The following GMEB2 variants were observed in gnomAD, a reference collection of about 807,000 sequenced individuals.
GMEB2 encodes glucocorticoid modulatory element-binding protein 2.
Under a neutral mutation model 45.7 loss-of-function variants are expected in GMEB2, and 7 were observed. That is an observed-to-expected ratio of 0.15 (90% confidence interval 0.09 to 0.29). The LOEUF (loss-of-function observed/expected upper bound fraction) is 0.29. Ranked by LOEUF, GMEB2 falls within the 10% of genes least tolerant of loss-of-function variation. The pLI is 1.00. For missense variants in GMEB2, 582 were observed against 739.2 expected (o/e 0.79, Z 2.47); for synonymous variants, 322 against 323.6 (o/e 1.00, Z 0.05).
At chr20:63,598,882 G>A (rs2083220175) in intron 4 of GMEB2, among the ~76,000 whole-genome samples, 1 of 152,200 alleles carries the variant, frequency 6.6e-6, no homozygotes, top group African/African-American at 2.4e-5. Context: ...TCACACCTAG[G>A]AAACTCAACT....
chr20:63,594,357 G>A lies in GMEB2; in HGVS notation c.619+1253C>T, dbSNP rs75108507. Among the ~76,000 whole-genome samples the A allele has an allele frequency of 3.5e-3, 539 of 152,344 alleles. 4 individuals carry two copies. The highest frequency in any genetic ancestry group is 0.01 in the African/African-American group (434 of 41,592). On this transcript the variant is annotated intron_variant, in intron 6 of 9. Transcript: ENST00000370077. Reference sequence around the variant, plus strand: ...GGTCAGGCAGGGCCAACACTAACGCGGTGGAGCCGCTGGGGAGGCCCTGGG... The same window carrying A: ...GGTCAGGCAGGGCCAACACTAACGCAGTGGAGCCGCTGGGGAGGCCCTGGG...
In GMEB2 at chr20:63,588,982, C is replaced by G. The variant is rs988055345; in HGVS notation, c.*1107G>C. ...GCTGCCCTGAGCAGCCCACCCGGGG[C>G]AGCCTCCTGAACACCCAGGGGCTCT... On this transcript the variant is annotated 3_prime_UTR_variant, in exon 10 of 10. Coordinates refer to ENST00000370077, the MANE Select transcript of GMEB2 (RefSeq NM_012384.5). 6.0e-5 allele frequency: 24 copies of G among 398,934 alleles called. No homozygotes were observed. In the East Asian group the frequency reaches 8.2e-4, roughly 14 times the overall value. 24.7% of individuals were successfully genotyped at this position (398,934 alleles called of 1,614,324 possible).
At position 63,619,709 on chromosome 20, in the gene GMEB2, C is replaced by A. The variant is rs559803749; in HGVS notation, c.-57-255G>T. Reference sequence around the variant, plus strand: ...AGAAAGCACAGAGCCACTCCCTCCACGTGGGGCTCAGAGCAGGAGGACAGG... The same window carrying A: ...AGAAAGCACAGAGCCACTCCCTCCAAGTGGGGCTCAGAGCAGGAGGACAGG... On this transcript the variant is annotated intron_variant, in intron 1 of 9. Coordinates refer to ENST00000370077, the MANE Select transcript of GMEB2 (RefSeq NM_012384.5). The surrounding 1 kb of genome is among the most constrained non-coding windows in gnomAD (Gnocchi z 4.6). The A allele has an allele frequency of 4.9e-6, 1 of 204,652 alleles. No homozygotes were observed. Among genetic ancestry groups the A allele is most frequent in the East Asian group, 1.4e-4 (1 of 6,990 alleles). The allele number at this position is 204,652 out of a possible 1,614,324, so 12.7% of individuals were successfully genotyped here.
chr20:63,599,381 G>A (rs905939328), intron 4 of GMEB2, among the ~76,000 whole-genome samples: 10 of 152,334 alleles, frequency 6.6e-5, no homozygotes, highest in African/African-American at 9.6e-5. Context: ...ACAGCACAGC[G>A]CTTCCATCTG....
At chr20:63,611,976 A>G (rs1369579326) in intron 2 of GMEB2, among the ~76,000 whole-genome samples, 1 of 151,776 alleles carries the variant, frequency 6.6e-6, no homozygotes, top group African/African-American at 2.4e-5. Flanking sequence ...CGATTCCTTG[A>G]ACCCAGGAGG....
At chr20:63,621,704 A>G (rs1601036313) in intron 1 of GMEB2, among the ~76,000 whole-genome samples, 2 of 150,816 alleles carry the variant, frequency 1.3e-5, no homozygotes, top group South Asian at 2.1e-4. Context: ...AAAAGTTTAA[A>G]ATGGTTAAAT....
Position 63,614,995 on chromosome 20 carries a change from TTTTTC to T in GMEB2, c.131+4267_131+4271del, listed in dbSNP as rs1403037109. Among the ~76,000 whole-genome samples, 9 of 152,320 alleles carry T rather than the reference TTTTTC, an allele frequency of 5.9e-5. No homozygotes were observed. In the South Asian group the frequency reaches 1.2e-3, roughly 21 times the overall value. On this transcript the variant is annotated intron_variant, in intron 2 of 9. Coordinates refer to ENST00000370077, the MANE Select transcript of GMEB2 (RefSeq NM_012384.5). ...TAGTGGTCCCCCAGGCCCAGCTGTC[TTTTTC>T]TTTTATCTTTGTCTTGTGTCTTTAT...
intron 5 of GMEB2, 61 bp from the exon 6 acceptor site, chr20:63,595,828 G>A (rs759615633): frequency 1.1e-5 from 17 of 1,515,064 alleles, no homozygotes; most frequent in Admixed American, 3.4e-5. Flanking sequence ...CACCTGGCCC[G>A]CCCACCCTGA....
In GMEB2 at chr20:63,592,959, C is replaced by T. The variant is rs2083161557; in HGVS notation, c.691+52G>A. 7.9e-7 allele frequency: 1 copy of T among 1,266,572 alleles called. No individual in the cohort carries two copies. Among genetic ancestry groups the T allele is most frequent in the East Asian group, 2.4e-5 (1 of 41,688 alleles). The allele number at this position is 1,266,572 out of a possible 1,614,324, so 78.5% of individuals were successfully genotyped here. A position where few individuals can be genotyped will look rare whatever the true frequency, so the allele number is the denominator to read the frequency against. On this transcript the variant is annotated intron_variant, in intron 7 of 9. Transcript: ENST00000370077. The surrounding 1 kb of genome is among the most constrained non-coding windows in gnomAD (Gnocchi z 8.2). ...CTGTGTGGCCCGAGGTGGGCAGAGA[C>T]TCCACCACCCCGCCAGGGCTTGTGA...
rs1252502379 is a variant in GMEB2, at chr20:63,587,968, T to C, written c.*2121A>G. 1 of 152,332 alleles carries C rather than the reference T, an allele frequency of 6.6e-6. No homozygotes were observed. The highest frequency in any genetic ancestry group is 1.5e-5 in the Non-Finnish European group (1 of 68,042). The allele number at this position is 152,332 out of a possible 1,614,324, so 9.4% of individuals were successfully genotyped here. ...CACTGCAGTGTGGTTCCCATGAGGA[T>C]GAGGGCTTCTCCAGGGCCCTTCCCC... On this transcript the variant is annotated 3_prime_UTR_variant, in exon 10 of 10. Coordinates refer to ENST00000370077, the MANE Select transcript of GMEB2 (RefSeq NM_012384.5).
chr20:63,613,964 G>A (rs1034962943), intron 2 of GMEB2, among the ~76,000 whole-genome samples: 2 of 152,120 alleles, frequency 1.3e-5, no homozygotes, highest in African/African-American at 2.4e-5. Context: ...AGGAGGGGGA[G>A]GGAAGAGTGC....
intron 1 of GMEB2, 29 bp downstream of exon 1, chr20:63,626,927 G>A (rs1477355267): frequency 1.4e-5 from 2 of 146,842 alleles, no homozygotes; most frequent in Non-Finnish European, 3.0e-5. Flanking sequence ...TCGCCGCGGG[G>A]GGGCCGCGGG....
Position 63,589,960 on chromosome 20 carries a change from C to T in GMEB2, c.*129G>A. 3.0e-6 allele frequency: 2 copies of T among 668,474 alleles called. No individual in the cohort carries two copies. The highest frequency in any genetic ancestry group is 2.9e-5 in the South Asian group (1 of 34,104). 41.4% of individuals were successfully genotyped at this position (668,474 alleles called of 1,614,324 possible). On this transcript the variant is annotated 3_prime_UTR_variant, in exon 10 of 10. Transcript: ENST00000370077. Reference sequence around the variant, plus strand: ...TTCTCGTGATTTGTTTTGGCGATTCCTCTCTTTGGTTCTGCAGACCACGTG... The same window carrying T: ...TTCTCGTGATTTGTTTTGGCGATTCTTCTCTTTGGTTCTGCAGACCACGTG...
intron 2 of GMEB2, among the ~76,000 whole-genome samples, chr20:63,608,893 CCT>C (rs1288592674): frequency 0.013 from 579 of 43,016 alleles, 26 homozygotes; most frequent in Non-Finnish European, 0.033. Flanking sequence ...GAAACATGCC[CCT>C]CTGACCTCAC....
chr20:63,603,976 C>T (rs2146070246), intron 3 of GMEB2, among the ~76,000 whole-genome samples: 1 of 151,730 alleles, frequency 6.6e-6, no homozygotes, highest in African/African-American at 2.4e-5. Flanking sequence ...AGTGCTTGAA[C>T]CTGCAGGGCA....
At chr20:63,595,532 G>T in intron 6 of GMEB2, 78 bp downstream of exon 6, 1 of 1,358,332 alleles carries the variant, frequency 7.4e-7, no homozygotes. Flanking sequence ...GGCCAAGGAG[G>T]CCACCCAGGG....
chr20:63,619,146 C>T lies in GMEB2; in HGVS notation c.131+121G>A, dbSNP rs1329746843. 2 of 992,908 alleles carry T rather than the reference C, an allele frequency of 2.0e-6. No homozygotes were observed. Among genetic ancestry groups the T allele is most frequent in the African/African-American group, 3.3e-5 (2 of 60,450 alleles). 61.5% of individuals were successfully genotyped at this position (992,908 alleles called of 1,614,324 possible). A position where few individuals can be genotyped will look rare whatever the true frequency, so the allele number is the denominator to read the frequency against. ...TTACACACACATTTGAGTCCAGTCT[C>T]AGAAGAACTGGAACTAGAAAAATCC... On this transcript the variant is annotated intron_variant, in intron 2 of 9. Coordinates refer to ENST00000370077, the MANE Select transcript of GMEB2 (RefSeq NM_012384.5). This position sits in a 1 kb window ranked among gnomAD's most constrained non-coding sequence, Gnocchi z 4.6.
chr20:63,595,744 A>G lies in GMEB2; in HGVS notation c.485T>C (p.Leu162Pro). The G allele has an allele frequency of 6.2e-7, 1 of 1,613,962 alleles. No homozygotes were observed. The highest frequency in any genetic ancestry group is 8.5e-7 in the Non-Finnish European group (1 of 1,179,854). The change falls in exon 6 of 10, where the codon CTG becomes CCG. Residue 162 changes from leucine (L) to proline (P), a missense_variant. Leu to Pro is a moderately conservative substitution (Grantham distance 98). This residue lies in a region of GMEB2 where 462 missense variants were observed against 586.7 expected (regional missense o/e 0.79). Transcript: ENST00000370077. Reference sequence around the variant, plus strand: ...GACCTTGTCATGCTGGTAGAAGTCCAGTTCCCCGGAGTCCATGATCTTCCT... The same window carrying G: ...GACCTTGTCATGCTGGTAGAAGTCCGGTTCCCCGGAGTCCATGATCTTCCT... ...MLRKIMDSGE[L>P]DFYQHDKVCS... is the part of the protein sequence containing the mutation.
intron 4 of GMEB2, 86 bp from the exon 5 acceptor site, chr20:63,597,946 G>A (rs775996181): frequency 2.8e-5 from 22 of 798,830 alleles, no homozygotes; most frequent in Non-Finnish European, 3.8e-5. Flanking sequence ...TGAGTCAGGC[G>A]CGCAAGGCAG....
Sources: gnomAD v4.1 joint callset for allele counts (sites outside exome capture counted in the v4.1 genomes callset) on GRCh38, gnomAD v4.1.1 for gene constraint, gnomAD v4.1.1 regional missense constraint, Gnocchi (gnomAD v3.1) non-coding constraint, MANE v1.5 for transcripts, NCBI Gene and HGNC (gene_info 2026-07-23, HGNC 2026-07-21) for gene names.